The following NR6A1 variants were observed in gnomAD, a reference collection of about 807,000 sequenced individuals.
NR6A1 encodes the protein retinoic acid receptor-related testis-associated receptor.
A neutral mutation model predicts 59.1 loss-of-function variants in NR6A1; 7 were observed. The ratio of observed to expected loss-of-function variants is 0.12; its 90% CI spans 0.07 to 0.22. The LOEUF (loss-of-function observed/expected upper bound fraction) is 0.22. Ranked by LOEUF, NR6A1 falls within the 10% of genes least tolerant of loss-of-function variation. The probability of loss-of-function intolerance (pLI) is 1.00; values close to 1 mark genes in which losing one functional copy is unlikely to be tolerated. For synonymous variants in NR6A1, 243 were observed against 236.1 expected, an observed-to-expected ratio of 1.03 and a Z score of -0.27; for missense variants, 468 against 611.6, an observed-to-expected ratio of 0.77 and a Z score of 2.48.
At chr9:124,587,675 A>G (rs1401058015) in intron 2 of NR6A1, among the ~76,000 whole-genome samples, 1 of 152,218 alleles carries the variant, frequency 6.6e-6, no homozygotes, top group African/African-American at 2.4e-5. Context: ...TTTGCCCAGA[A>G]AGTGCTTTTG....
At position 124,675,555 on chromosome 9, in the gene NR6A1, C is replaced by T. The variant is rs558652946; in HGVS notation, c.142+57753G>A. 1.2e-4 allele frequency among the ~76,000 whole-genome samples: 18 copies of T among 152,316 alleles called. No homozygotes were observed. In the East Asian group the frequency reaches 3.5e-3, roughly 29 times the overall value. ...AATAAAGCCAGGTCTGGCTAAAGAG[C>T]TGCAGCTGTAGTTGTACCTGCTCTC... is the stretch of plus-strand genomic sequence containing the variant. On this transcript the variant is annotated intron_variant, in intron 2 of 9. Transcript: ENST00000487099.
intron 2 of NR6A1, among the ~76,000 whole-genome samples, chr9:124,566,671 G>A (rs1376051948): frequency 6.6e-6 from 1 of 152,204 alleles, no homozygotes; most frequent in Non-Finnish European, 1.5e-5. Context: ...GGACCACAGA[G>A]GAGAGATGAA....
chr9:124,561,893 CAG>C (rs1292059771), intron 2 of NR6A1, among the ~76,000 whole-genome samples: 1 of 152,122 alleles, frequency 6.6e-6, no homozygotes, highest in Non-Finnish European at 1.5e-5. Flanking sequence ...GCCTGGGTGA[CAG>C]AGTGAGACTC....
chr9:124,698,441 A>G (rs1009831384), intron 2 of NR6A1: 1 of 152,172 alleles, frequency 6.6e-6, no homozygotes, highest in African/African-American at 2.4e-5. Flanking sequence ...CAGGCTCTCG[A>G]TCCGTGGGAG....
chr9:124,754,001 T>C (rs1053969629), intron 1 of NR6A1, among the ~76,000 whole-genome samples: 1 of 152,172 alleles, frequency 6.6e-6, no homozygotes, highest in Admixed American at 6.5e-5. Flanking sequence ...GACCATTTTA[T>C]AACAAGTCCA....
chr9:124,602,873 C>T (rs1216942139), intron 2 of NR6A1, among the ~76,000 whole-genome samples: 4 of 152,192 alleles, frequency 2.6e-5, no homozygotes, highest in African/African-American at 7.2e-5. Flanking sequence ...CTTCATTTCC[C>T]ACCACTCCTC....
intron 2 of NR6A1, among the ~76,000 whole-genome samples, chr9:124,567,761 T>C (rs1343933570): frequency 6.6e-6 from 1 of 151,348 alleles, no homozygotes; most frequent in African/African-American, 2.4e-5. Context: ...CATGATCCAT[T>C]GGGAGTGATA....
At chr9:124,598,579 T>C (rs1051961090) in intron 2 of NR6A1, 3 of 285,558 alleles carry the variant, frequency 1.1e-5, no homozygotes, top group Non-Finnish European at 2.0e-5. Flanking sequence ...TTTTGTTCTT[T>C]ATATAACGGC....
At chr9:124,590,114 T>C (rs1588692180) in intron 2 of NR6A1, among the ~76,000 whole-genome samples, 1 of 121,346 alleles carries the variant, frequency 8.2e-6, no homozygotes, top group Non-Finnish European at 1.7e-5. Flanking sequence ...ACTGTAGCCA[T>C]CACACTGAAG....
chr9:124,566,857 C>T (rs1335329911), intron 2 of NR6A1, among the ~76,000 whole-genome samples: 3 of 152,106 alleles, frequency 2.0e-5, no homozygotes, highest in Non-Finnish European at 4.4e-5. Flanking sequence ...GCCTGTAATC[C>T]CAGCACTTTG....
At chr9:124,689,429 G>A (rs767446694) in intron 2 of NR6A1, among the ~76,000 whole-genome samples, 14 of 152,016 alleles carry the variant, frequency 9.2e-5, no homozygotes, top group Non-Finnish European at 1.5e-4. Flanking sequence ...AAAGCAAGAA[G>A]GCCAAAGAAT....
At chr9:124,669,725 T>C (rs887083395) in intron 2 of NR6A1, among the ~76,000 whole-genome samples, 1 of 152,130 alleles carries the variant, frequency 6.6e-6, no homozygotes, top group Non-Finnish European at 1.5e-5. Flanking sequence ...GGAATTCGAG[T>C]AGCTAAGATT....
intron 2 of NR6A1, among the ~76,000 whole-genome samples, chr9:124,670,406 C>T (rs1837757428): frequency 6.6e-6 from 1 of 151,892 alleles, no homozygotes; most frequent in South Asian, 2.1e-4. Context: ...AAAACAAAAA[C>T]ACATACTTCT....
intron 2 of NR6A1, among the ~76,000 whole-genome samples, chr9:124,706,520 T>C (rs1839136607): frequency 7.5e-6 from 1 of 133,668 alleles, no homozygotes; most frequent in African/African-American, 2.5e-5. Flanking sequence ...CATTTAACAA[T>C]TTTTTTTTTT....
chr9:124,551,328 C>T (rs750331977), intron 3 of NR6A1, among the ~76,000 whole-genome samples: 1 of 152,144 alleles, frequency 6.6e-6, no homozygotes, highest in Non-Finnish European at 1.5e-5. Context: ...ATCTGAAACA[C>T]GAATACATAT....
intron 1 of NR6A1, among the ~76,000 whole-genome samples, chr9:124,739,773 G>C (rs890079193): frequency 6.6e-6 from 1 of 152,146 alleles, no homozygotes; most frequent in Non-Finnish European, 1.5e-5. Flanking sequence ...ATAAACTTCT[G>C]AGTATCACCA....
rs1699189068 is a variant in NR6A1 at position 124,548,251 on chromosome 9, G to T, written c.386-4394C>A. ...AGGGCATATGGGAATTATTACTACT[G>T]TTGCAACTTTTCTGTAAGCTTGAAA... On this transcript the variant is annotated intron_variant, in intron 3 of 9. Coordinates refer to ENST00000487099, the MANE Select transcript of NR6A1 (RefSeq NM_033334.4). 2.0e-5 allele frequency among the ~76,000 whole-genome samples: 3 copies of T among 152,266 alleles called. No homozygotes were observed. The South Asian group carries it at 6.2e-4, about 32-fold the overall frequency.
intron 1 of NR6A1, among the ~76,000 whole-genome samples, chr9:124,745,987 CAAA>C (rs755252377): frequency 3.4e-5 from 2 of 58,410 alleles, no homozygotes; most frequent in Admixed American, 1.7e-4. Context: ...GACTCTGTCT[CAAA>C]AAAAAAAAAA....
intron 2 of NR6A1, among the ~76,000 whole-genome samples, chr9:124,683,255 GAA>G (rs1838229922): frequency 6.6e-6 from 1 of 151,750 alleles, no homozygotes; most frequent in Admixed American, 6.6e-5. Context: ...AAAGGAAAAG[GAA>G]AAGGAAAAGG....
Sources: allele counts gnomAD v4.1 joint callset (sites outside exome capture counted in the v4.1 genomes callset), GRCh38; gene constraint gnomAD v4.1.1; transcripts MANE v1.5; gene names NCBI Gene and HGNC (gene_info 2026-07-23, HGNC 2026-07-21).